Variants in KLC1 observed in about 807,000 individuals in gnomAD.
The protein encoded by KLC1 is kinesin 2 60/70kDa.
KLC1 carries 30 observed loss-of-function variants against 84.2 expected under a neutral mutation model. The ratio of observed to expected loss-of-function variants is 0.36; its 90% CI spans 0.27 to 0.48. KLC1 has a LOEUF of 0.48. Among genes scored for constraint, KLC1 ranks in the 20% least tolerant of loss-of-function variants. The probability of loss-of-function intolerance (pLI) is 0.99; values close to 1 mark genes in which losing one functional copy is unlikely to be tolerated. For synonymous variants in KLC1, 289 were observed against 293.3 expected, an observed-to-expected ratio of 0.99 and a Z score of 0.15; for missense variants, 499 against 805.4, an observed-to-expected ratio of 0.62 and a Z score of 4.60.
intron 2 of KLC1, among the ~76,000 whole-genome samples, chr14:103,656,736 G>C (rs1255947638): frequency 6.6e-6 from 1 of 152,194 alleles, no homozygotes; most frequent in African/African-American, 2.4e-5. Context: ...TGGTGTCGCA[G>C]ATAAGAGTTT....
intron 9 of KLC1, among the ~76,000 whole-genome samples, chr14:103,673,968 C>T (rs2080655323): frequency 6.6e-6 from 1 of 152,000 alleles, no homozygotes; most frequent in South Asian, 2.1e-4. Flanking sequence ...GTGTGAGGCC[C>T]CGTAGCTGAG....
intron 2 of KLC1, among the ~76,000 whole-genome samples, chr14:103,656,884 G>A (rs1357657547): frequency 6.6e-6 from 1 of 152,228 alleles, no homozygotes; most frequent in Non-Finnish European, 1.5e-5. Flanking sequence ...CTGCCAGCCA[G>A]CTCCTAGCTG....
chr14:103,693,903 G>T lies in KLC1; in HGVS notation c.1848+1478G>T. 1 of 1,289,986 alleles carries T rather than the reference G, an allele frequency of 7.8e-7. No individual in the cohort carries two copies. Among genetic ancestry groups the T allele is most frequent in the South Asian group, 2.3e-5 (1 of 44,346 alleles). The allele number at this position is 1,289,986 out of a possible 1,614,324, so 79.9% of individuals were successfully genotyped here. A position where few individuals can be genotyped will look rare whatever the true frequency, so the allele number is the denominator to read the frequency against. ...CGCTGAGGTGGCTTCAGCACGCTGGGGATTGGCTCCTGCTCACGGATGCTG... is the reference window on the plus strand; with the variant it reads ...CGCTGAGGTGGCTTCAGCACGCTGGTGATTGGCTCCTGCTCACGGATGCTG... On this transcript the variant is annotated intron_variant, in intron 15 of 16. Transcript: ENST00000334553. The surrounding 1 kb of genome is among the most constrained non-coding windows in gnomAD (Gnocchi z 5.1).
At position 103,701,402 on chromosome 14, in the gene KLC1, G is replaced by A. The variant is rs2083186246; in HGVS notation, c.*203G>A. 4 of 530,460 alleles carry A rather than the reference G, an allele frequency of 7.5e-6. No homozygotes were observed. In the East Asian group the frequency reaches 1.2e-4, roughly 16 times the overall value. The allele number at this position is 530,460 out of a possible 1,614,324, so 32.9% of individuals were successfully genotyped here. A position where few individuals can be genotyped will look rare whatever the true frequency, so the allele number is the denominator to read the frequency against. On this transcript the variant is annotated 3_prime_UTR_variant, in exon 17 of 17. Transcript: ENST00000334553. ...GGGCTGGGGCTGGGCCTAAGCTGGTGCCCTGGTGCGGCGTGGTCTCTCCCA... is the reference window on the plus strand; with the variant it reads ...GGGCTGGGGCTGGGCCTAAGCTGGTACCCTGGTGCGGCGTGGTCTCTCCCA...
chr14:103,647,471 C>T (rs909811254), intron 1 of KLC1, among the ~76,000 whole-genome samples: 3 of 152,034 alleles, frequency 2.0e-5, no homozygotes, highest in Non-Finnish European at 2.9e-5. Flanking sequence ...CTCAAGTAAT[C>T]CGCCTGCCTG....
chr14:103,686,050 T>C, intron 13 of KLC1: 2 of 1,030,542 alleles, frequency 1.9e-6, no homozygotes, highest in Non-Finnish European at 2.3e-6. Flanking sequence ...CCGTGGTACT[T>C]AGAGCCCTGG....
Position 103,694,527 on chromosome 14 carries a change from A to G in KLC1, c.1848+2102A>G, listed in dbSNP as rs560643865. On this transcript the variant is annotated intron_variant, in intron 15 of 16. Transcript: ENST00000334553. This position sits in a 1 kb window ranked among gnomAD's most constrained non-coding sequence, Gnocchi z 4.5. ...CTCTGACAGGAACCTTTTCAAATCAATGCTGAGGCTGTATTTCTTAGCCGT... is the reference window on the plus strand; with the variant it reads ...CTCTGACAGGAACCTTTTCAAATCAGTGCTGAGGCTGTATTTCTTAGCCGT... The G allele has an allele frequency of 9.1e-6, 9 of 985,476 alleles. No individual in the cohort carries two copies. Among genetic ancestry groups the G allele is most frequent in the African/African-American group, 8.7e-5 (5 of 57,368 alleles). The allele number at this position is 985,476 out of a possible 1,614,324, so 61.0% of individuals were successfully genotyped here. A position where few individuals can be genotyped will look rare whatever the true frequency, so the allele number is the denominator to read the frequency against.
intron 1 of KLC1, among the ~76,000 whole-genome samples, chr14:103,633,963 G>C (rs1267348574): frequency 3.9e-5 from 6 of 152,118 alleles, no homozygotes; most frequent in African/African-American, 1.2e-4. Context: ...CTGCCTCCCG[G>C]GTTCAAGCCA....
At chr14:103,650,703 C>T (rs1464657762) in intron 1 of KLC1, among the ~76,000 whole-genome samples, 3 of 151,434 alleles carry the variant, frequency 2.0e-5, no homozygotes, top group Non-Finnish European at 2.9e-5. Context: ...CTCAACCTCC[C>T]GAGTAGCTGG....
At chr14:103,632,809 G>T (rs2151251940) in intron 1 of KLC1, among the ~76,000 whole-genome samples, 1 of 152,280 alleles carries the variant, frequency 6.6e-6, no homozygotes, top group Non-Finnish European at 1.5e-5. Context: ...CAGGTTAAAG[G>T]CTGTGGAGTG....
chr14:103,689,890 G>A (rs546403154), intron 14 of KLC1, among the ~76,000 whole-genome samples: 1 of 152,340 alleles, frequency 6.6e-6, no homozygotes, highest in Non-Finnish European at 1.5e-5. Context: ...TTTAAAAAGA[G>A]TTAATGGCGG....
At chr14:103,652,438 C>T (rs541890232) in intron 1 of KLC1, among the ~76,000 whole-genome samples, 1 of 152,154 alleles carries the variant, frequency 6.6e-6, no homozygotes, top group South Asian at 2.1e-4. Flanking sequence ...GCTGGAGAGC[C>T]CTGTGTTAAA....
Position 103,666,189 on chromosome 14 carries a change from G to A in KLC1, c.797+3262G>A, listed in dbSNP as rs369664429. Among the ~76,000 whole-genome samples the A allele has an allele frequency of 3.2e-4, 48 of 151,746 alleles. 1 individual carries two copies. Among genetic ancestry groups the A allele is most frequent in the South Asian group, 6.3e-4 (3 of 4,762 alleles). On this transcript the variant is annotated intron_variant, in intron 5 of 16. Transcript: ENST00000334553. ...CGCCATTCTCCTGCCTCAGCCTCCC[G>A]AGTAGCTGGGACTACAGGCGCCTGC...
At chr14:103,632,840 A>G (rs1249213270) in intron 1 of KLC1, among the ~76,000 whole-genome samples, 1 of 152,152 alleles carries the variant, frequency 6.6e-6, no homozygotes, top group Non-Finnish European at 1.5e-5. Flanking sequence ...GCGATTCTTC[A>G]CAAAAGAAAA....
intron 11 of KLC1, among the ~76,000 whole-genome samples, chr14:103,676,782 GTTTA>G (rs1567032101): frequency 6.6e-6 from 1 of 152,142 alleles, no homozygotes; most frequent in Non-Finnish European, 1.5e-5. Flanking sequence ...ATGAATCTAG[GTTTA>G]TTTATAATTT....
chr14:103,693,657 GACCGCCCCGCCCTGCCACGCCCCTC>G lies in KLC1; in HGVS notation c.1848+1240_1848+1264del, dbSNP rs2082247826. 1 of 1,531,788 alleles carries G rather than the reference GACCGCCCCGCCCTGCCACGCCCCTC, an allele frequency of 6.5e-7. No homozygotes were observed. Among genetic ancestry groups the G allele is most frequent in the Non-Finnish European group, 8.7e-7 (1 of 1,144,708 alleles). The allele number at this position is 1,531,788 out of a possible 1,614,324, so 94.9% of individuals were successfully genotyped here. On this transcript the variant is annotated intron_variant, in intron 15 of 16. Coordinates refer to ENST00000334553, the MANE Select transcript of KLC1 (RefSeq NM_001394837.1). The surrounding 1 kb of genome is among the most constrained non-coding windows in gnomAD (Gnocchi z 5.1). ...TAGGTAACCTGTCTTGGGAGTGTGA[GACCGCCCCGCCCTGCCACGCCCCTC>G]ACCGCCCTGCCCGGAGGCGCCAGCC...
intron 8 of KLC1, 70 bp downstream of exon 8, chr14:103,673,257 T>C (rs1459953903): frequency 1.3e-6 from 2 of 1,566,304 alleles, no homozygotes; most frequent in Admixed American, 3.9e-5. Context: ...CACTTTCTCA[T>C]TTAACTGGAG....
chr14:103,666,083 T>A (rs2079768400), intron 5 of KLC1, among the ~76,000 whole-genome samples: 2 of 152,164 alleles, frequency 1.3e-5, no homozygotes, highest in South Asian at 4.1e-4. Flanking sequence ...TTGTTTTTTT[T>A]GAGACGGAGT....
intron 3 of KLC1, among the ~76,000 whole-genome samples, chr14:103,659,683 C>T (rs376440477): frequency 1.3e-4 from 20 of 152,124 alleles, no homozygotes; most frequent in Non-Finnish European, 2.9e-5. Context: ...TTGTGTGTCT[C>T]GTTCGAATCC....
Sources: gnomAD v4.1 joint callset for allele counts (sites outside exome capture counted in the v4.1 genomes callset) on GRCh38, gnomAD v4.1.1 for gene constraint, Gnocchi (gnomAD v3.1) non-coding constraint, MANE v1.5 for transcripts, NCBI Gene and HGNC (gene_info 2026-07-23, HGNC 2026-07-21) for gene names.